The following CNTNAP2 variants were observed in gnomAD, a reference collection of about 807,000 sequenced individuals.
The protein encoded by CNTNAP2 is contactin-associated protein-like 2.
A neutral mutation model predicts 155.2 loss-of-function variants in CNTNAP2; 98 were observed. The ratio of observed to expected loss-of-function variants is 0.63; its 90% confidence interval spans 0.54 to 0.75. The LOEUF (loss-of-function observed/expected upper bound fraction) is 0.75. CNTNAP2 is among the 30% of genes least tolerant of loss of function. The pLI is 0.00. For missense variants in CNTNAP2, 1,727 were observed against 1,688.1 expected (o/e 1.02, Z -0.40); for synonymous variants, 651 against 631.2 (o/e 1.03, Z -0.47).
chr7:147,264,510 G>A (rs911922276), intron 8 of CNTNAP2, among the ~76,000 whole-genome samples: 4 of 122,904 alleles, frequency 3.3e-5, no homozygotes, highest in Non-Finnish European at 5.2e-5. Flanking sequence ...AGCTGCAGGA[G>A]GAGCAGCAGC....
chr7:148,039,731 A>G (rs190584994), intron 15 of CNTNAP2, among the ~76,000 whole-genome samples: 1 of 152,290 alleles, frequency 6.6e-6, no homozygotes, highest in Non-Finnish European at 1.5e-5. Context: ...TTGAGGTTTC[A>G]GCAGCTTTTT....
At chr7:147,911,079 A>G (rs1378836752) in intron 14 of CNTNAP2, among the ~76,000 whole-genome samples, 1 of 152,146 alleles carries the variant, frequency 6.6e-6, no homozygotes, top group Non-Finnish European at 1.5e-5. Context: ...TTATCTAGCA[A>G]AACTGAAACG....
intron 1 of CNTNAP2, among the ~76,000 whole-genome samples, chr7:146,312,665 T>C (rs1259756614): frequency 6.6e-6 from 1 of 152,168 alleles, no homozygotes; most frequent in East Asian, 1.9e-4. Context: ...TCACTAAAGT[T>C]CATTCCTTCA....
intron 13 of CNTNAP2, among the ~76,000 whole-genome samples, chr7:147,852,646 G>A (rs1244882317): frequency 6.6e-6 from 1 of 152,142 alleles, no homozygotes; most frequent in Admixed American, 6.6e-5. Flanking sequence ...TCAGTGAATG[G>A]CTAATTTCAA....
intron 13 of CNTNAP2, among the ~76,000 whole-genome samples, chr7:147,845,030 C>T (rs1363249934): frequency 8.7e-6 from 1 of 115,310 alleles, no homozygotes; most frequent in Non-Finnish European, 1.8e-5. Flanking sequence ...CATCAATGTT[C>T]ATCAAGGATA....
chr7:147,191,057 AAAG>A (rs1423539951), intron 8 of CNTNAP2, among the ~76,000 whole-genome samples: 1 of 152,172 alleles, frequency 6.6e-6, no homozygotes, highest in African/African-American at 2.4e-5. Flanking sequence ...GAAAGAAAGA[AAAG>A]AAGAAAAGGG....
intron 4 of CNTNAP2, among the ~76,000 whole-genome samples, chr7:147,072,768 A>G (rs2129265958): frequency 6.6e-6 from 1 of 151,778 alleles, no homozygotes; most frequent in South Asian, 2.1e-4. Context: ...TAAAGAAAGG[A>G]TCACACATCT....
At chr7:147,792,777 A>G (rs1487003039) in intron 13 of CNTNAP2, among the ~76,000 whole-genome samples, 2 of 152,122 alleles carry the variant, frequency 1.3e-5, no homozygotes, top group African/African-American at 4.8e-5. Flanking sequence ...GAACTGCCAG[A>G]CTGTTTTTCA....
At chr7:147,249,492 GC>G (rs1278873042) in intron 8 of CNTNAP2, among the ~76,000 whole-genome samples, 2 of 148,604 alleles carry the variant, frequency 1.3e-5, no homozygotes, top group African/African-American at 4.9e-5. Flanking sequence ...TAATCCAAGT[GC>G]TAACACCTTT....
At chr7:146,972,054 C>T (rs1252514897) in intron 3 of CNTNAP2, among the ~76,000 whole-genome samples, 1 of 152,122 alleles carries the variant, frequency 6.6e-6, no homozygotes, top group East Asian at 1.9e-4. Flanking sequence ...TTGACATGTA[C>T]ACTTGTTAAA....
intron 3 of CNTNAP2, among the ~76,000 whole-genome samples, chr7:146,884,442 A>AC (rs1491239054): frequency 1.3e-5 from 2 of 152,074 alleles, no homozygotes; most frequent in African/African-American, 2.4e-5. Context: ...ACTACTATAC[A>AC]GCTCCTTCTC....
At chr7:146,213,397 T>C (rs746425677) in intron 1 of CNTNAP2, among the ~76,000 whole-genome samples, 1 of 152,178 alleles carries the variant, frequency 6.6e-6, no homozygotes, top group Non-Finnish European at 1.5e-5. Flanking sequence ...ACTAAATAGA[T>C]GAAATTGTAA....
At chr7:148,125,687 GTGTATATA>G (rs1489423178) in intron 16 of CNTNAP2, among the ~76,000 whole-genome samples, 178 of 136,138 alleles carry the variant, frequency 1.3e-3, no homozygotes, top group African/African-American at 4.5e-3. Flanking sequence ...GTGTGTGTGT[GTGTATATA>G]TATATAGTTT....
At chr7:146,498,792 A>G (rs1274226241) in intron 1 of CNTNAP2, among the ~76,000 whole-genome samples, 1 of 152,128 alleles carries the variant, frequency 6.6e-6, no homozygotes. Context: ...TAGATGGTTC[A>G]TATATCAATT....
At chr7:146,172,482 T>G (rs1245374205) in intron 1 of CNTNAP2, among the ~76,000 whole-genome samples, 1 of 152,070 alleles carries the variant, frequency 6.6e-6, no homozygotes, top group Non-Finnish European at 1.5e-5. Flanking sequence ...TTCCAAAAAT[T>G]TTATTGAATT....
intron 8 of CNTNAP2, among the ~76,000 whole-genome samples, chr7:147,290,587 G>C (rs1407473689): frequency 6.6e-6 from 1 of 151,314 alleles, no homozygotes; most frequent in African/African-American, 2.4e-5. Flanking sequence ...GGAGGTTGAG[G>C]CAGGAGAATT....
At chr7:147,365,976 G>A (rs1302759198) in intron 9 of CNTNAP2, among the ~76,000 whole-genome samples, 7 of 151,836 alleles carry the variant, frequency 4.6e-5, no homozygotes, top group Admixed American at 2.0e-4. Context: ...TTTTTTATTC[G>A]GCACTGATTA....
chr7:146,213,734 G>A (rs1434642846), intron 1 of CNTNAP2, among the ~76,000 whole-genome samples: 1 of 152,164 alleles, frequency 6.6e-6, no homozygotes, highest in East Asian at 1.9e-4. Flanking sequence ...TAGCAATAAG[G>A]ATGAGTACCT....
intron 3 of CNTNAP2, among the ~76,000 whole-genome samples, chr7:146,891,781 G>T (rs1050668730): frequency 3.3e-5 from 5 of 152,122 alleles, no homozygotes; most frequent in African/African-American, 1.2e-4. Flanking sequence ...GGCATAGCAG[G>T]CCTCGTCAAC....
Sources: gnomAD v4.1 joint callset for allele counts (sites outside exome capture counted in the v4.1 genomes callset) on GRCh38, gnomAD v4.1.1 for gene constraint, MANE v1.5 for transcripts, NCBI Gene and HGNC (gene_info 2026-07-23, HGNC 2026-07-21) for gene names.